Variants in TENM1 observed in about 807,000 individuals in gnomAD.
TENM1 encodes teneurin transmembrane protein 1.
Under a neutral mutation model 174.8 loss-of-function variants are expected in TENM1, and 35 were observed. The ratio of observed to expected loss-of-function variants is 0.20; its 90% confidence interval spans 0.15 to 0.27. The LOEUF is 0.27. Among genes scored for constraint, TENM1 ranks in the 10% least tolerant of loss-of-function variants. The probability of loss-of-function intolerance (pLI) is 1.00; values close to 1 mark genes in which losing one functional copy is unlikely to be tolerated. For missense variants in TENM1, 1,633 were observed against 2,130.1 expected, an observed-to-expected ratio of 0.77 and a Z score of 4.59; for synonymous variants, 781 against 798.7, an observed-to-expected ratio of 0.98 and a Z score of 0.37.
chrX:124,505,520 CAA>C (rs1472808333), intron 18 of TENM1, among the ~76,000 whole-genome samples: 1 of 111,230 alleles, frequency 9.0e-6, no homozygotes, highest in Non-Finnish European at 1.9e-5. Flanking sequence ...TGGTAAAGTG[CAA>C]AGAGTTGGTT....
At chrX:124,567,763 G>T (rs775469605) in intron 11 of TENM1, among the ~76,000 whole-genome samples, 2 of 111,355 alleles carry the variant, frequency 1.8e-5, no homozygotes, top group Non-Finnish European at 3.8e-5. Flanking sequence ...CTGATAATTT[G>T]TATTTATAAC....
chrX:125,045,973 G>A, the TENM1 span, among the ~76,000 whole-genome samples: 1 of 111,516 alleles, frequency 9.0e-6, no homozygotes. Flanking sequence ...TTGAAGAAGA[G>A]CAACCAGTTT....
At chrX:124,545,288 G>C (rs944464863) in intron 15 of TENM1, among the ~76,000 whole-genome samples, 1 of 112,107 alleles carries the variant, frequency 8.9e-6, no homozygotes, top group Middle Eastern at 4.6e-3. Flanking sequence ...ACCACCACAA[G>C]AAATAGGTTT....
the TENM1 span, among the ~76,000 whole-genome samples, chrX:125,137,409 C>G: frequency 2.8e-5 from 3 of 106,775 alleles, no homozygotes; most frequent in African/African-American, 1.0e-4. Context: ...TTTACGCAAG[C>G]AACAGCACAA....
chrX:124,385,160 T>C (rs1166321257), intron 29 of TENM1, among the ~76,000 whole-genome samples: 2 of 112,578 alleles, frequency 1.8e-5, no homozygotes, highest in African/African-American at 6.5e-5. Flanking sequence ...CTATAATCAC[T>C]GACAAAAATG....
the TENM1 span, among the ~76,000 whole-genome samples, chrX:125,006,051 A>G: frequency 8.9e-6 from 1 of 111,762 alleles, no homozygotes; most frequent in Non-Finnish European, 1.9e-5. Context: ...GGCTGAAACC[A>G]GGGAGCCAAG....
At chrX:124,425,525 C>T (rs1422047761) in intron 23 of TENM1, among the ~76,000 whole-genome samples, 1 of 112,301 alleles carries the variant, frequency 8.9e-6, no homozygotes, top group East Asian at 2.8e-4. Context: ...TTTTTGTCCT[C>T]TTGCCATATG....
intron 28 of TENM1, 99 bp from the exon 32 acceptor site, chrX:124,386,163 C>T (rs926559506): frequency 1.2e-6 from 1 of 837,678 alleles, no homozygotes; most frequent in Non-Finnish European, 1.7e-6. Flanking sequence ...ATCAATCAAG[C>T]ACTTACTGTG....
chrX:124,743,422 G>A (rs930755297), intron 3 of TENM1, among the ~76,000 whole-genome samples: 1 of 112,141 alleles, frequency 8.9e-6, no homozygotes, highest in Admixed American at 9.5e-5. Flanking sequence ...AAATGGGCAT[G>A]TGCATGAGTG....
the TENM1 span, among the ~76,000 whole-genome samples, chrX:125,093,120 C>T: frequency 4.5e-5 from 5 of 112,070 alleles, no homozygotes; most frequent in Non-Finnish European, 9.4e-5. Flanking sequence ...AAGAAAAAAA[C>T]TTTATTAGCA....
chrX:124,623,679 A>T (rs1400596407), intron 11 of TENM1, among the ~76,000 whole-genome samples: 1 of 111,684 alleles, frequency 9.0e-6, no homozygotes, highest in Admixed American at 9.5e-5. Context: ...TGCATCTGGT[A>T]ATATCAGTTT....
At chrX:124,776,112 A>G (rs1603183196) in intron 3 of TENM1, among the ~76,000 whole-genome samples, 1 of 112,148 alleles carries the variant, frequency 8.9e-6, no homozygotes, top group East Asian at 2.8e-4. Context: ...AACAACTGTC[A>G]GTATTGCATT....
chrX:124,942,371 T>C (rs1362450505), intron 1 of TENM1, among the ~76,000 whole-genome samples: 5 of 111,708 alleles, frequency 4.5e-5, no homozygotes, highest in Non-Finnish European at 9.4e-5. Flanking sequence ...GACAAAAGTT[T>C]TGAAATCCTC....
intron 3 of TENM1, among the ~76,000 whole-genome samples, chrX:124,840,840 TATATAA>T (rs1402187013): frequency 3.6e-5 from 4 of 111,865 alleles, no homozygotes; most frequent in African/African-American, 9.7e-5. Context: ...AATACCCACA[TATATAA>T]ATATATCATT....
chrX:124,961,408 G>A (rs1235348696), intron 1 of TENM1, among the ~76,000 whole-genome samples: 1 of 111,406 alleles, frequency 9.0e-6, no homozygotes, highest in African/African-American at 3.3e-5. Flanking sequence ...TTGGGAGGCC[G>A]AGGCGGGCAG....
the TENM1 span, among the ~76,000 whole-genome samples, chrX:125,161,262 A>C: frequency 2.7e-5 from 3 of 111,657 alleles, no homozygotes; most frequent in Admixed American, 2.8e-4. Context: ...CCTCTGGTAC[A>C]CTTTAAATCA....
intron 3 of TENM1, among the ~76,000 whole-genome samples, chrX:124,837,748 A>G (rs975769563): frequency 8.9e-6 from 1 of 111,795 alleles, no homozygotes; most frequent in Non-Finnish European, 1.9e-5. Flanking sequence ...AGATATTGAC[A>G]ATGAAAAAAT....
chrX:125,187,600 T>C, the TENM1 span, among the ~76,000 whole-genome samples: 1 of 111,957 alleles, frequency 8.9e-6, no homozygotes, highest in Admixed American at 9.5e-5. Context: ...GATCACTTCA[T>C]ATAATTTCTA....
chrX:124,973,467 A>G, the TENM1 span, among the ~76,000 whole-genome samples: 1 of 111,676 alleles, frequency 9.0e-6, no homozygotes, highest in East Asian at 2.8e-4. Context: ...TGATGGGGAT[A>G]GCACTGAATC....
Sources: gnomAD v4.1 joint callset for allele counts (sites outside exome capture counted in the v4.1 genomes callset) on GRCh38, gnomAD v4.1.1 for gene constraint, MANE v1.5 for transcripts, NCBI Gene and HGNC (gene_info 2026-07-23, HGNC 2026-07-21) for gene names.